Variants in GNPAT observed in about 807,000 individuals in gnomAD.
The protein encoded by GNPAT is glyceronephosphate O-acyltransferase.
A neutral mutation model predicts 78.4 loss-of-function variants in GNPAT; 30 were observed. The observed-to-expected ratio is 0.38, with a 90% confidence interval of 0.29 to 0.52. GNPAT has a LOEUF of 0.52. Ranked by LOEUF, GNPAT falls within the 20% of genes least tolerant of loss-of-function variation. The pLI is 0.84. For synonymous variants in GNPAT, 271 were observed against 281.1 expected, an observed-to-expected ratio of 0.96 and a Z score of 0.36; for missense variants, 714 against 812.2, an observed-to-expected ratio of 0.88 and a Z score of 1.47.
At chr1:231,263,090 C>T (rs1685270360) in intron 4 of GNPAT, among the ~76,000 whole-genome samples, 2 of 152,164 alleles carry the variant, frequency 1.3e-5, no homozygotes, top group East Asian at 3.8e-4. Context: ...AATGAGACTG[C>T]ACTACTTACA....
At chr1:231,246,891 C>T (rs1193884478) in intron 1 of GNPAT, among the ~76,000 whole-genome samples, 4 of 152,140 alleles carry the variant, frequency 2.6e-5, no homozygotes, top group South Asian at 2.1e-4. Flanking sequence ...TGGATTCGGC[C>T]GGGCGCGTTG....
chr1:231,248,149 A>G (rs545816855), intron 1 of GNPAT, among the ~76,000 whole-genome samples: 1 of 152,304 alleles, frequency 6.6e-6, no homozygotes, highest in South Asian at 2.1e-4. Flanking sequence ...ACTCTCCAAA[A>G]GTTTCATTAG....
rs1457853035 is a variant in GNPAT, at chr1:231,277,902, T to A, written c.*360T>A. 1.1e-5 allele frequency: 2 copies of A among 179,786 alleles called. No individual in the cohort carries two copies. Among genetic ancestry groups the A allele is most frequent in the Non-Finnish European group, 1.2e-5 (1 of 85,126 alleles). The allele number at this position is 179,786 out of a possible 1,614,324, so 11.1% of individuals were successfully genotyped here. A position where few individuals can be genotyped will look rare whatever the true frequency, so the allele number is the denominator to read the frequency against. On this transcript the variant is annotated 3_prime_UTR_variant, in exon 16 of 16. Transcript: ENST00000366647. Reference sequence around the variant, plus strand: ...ATGACAACACTGAAAGCTCTGGATATTAAAAGAAAATGAAAAGGGCATATC... The same window carrying A: ...ATGACAACACTGAAAGCTCTGGATAATAAAAGAAAATGAAAAGGGCATATC...
intron 3 of GNPAT, among the ~76,000 whole-genome samples, chr1:231,261,284 T>C (rs915368446): frequency 6.6e-6 from 1 of 152,210 alleles, no homozygotes; most frequent in Non-Finnish European, 1.5e-5. Context: ...TATTAGACTC[T>C]TTTAATCTAA....
At chr1:231,264,642 T>C (rs913367124) in intron 4 of GNPAT, among the ~76,000 whole-genome samples, 2 of 152,250 alleles carry the variant, frequency 1.3e-5, no homozygotes, top group Non-Finnish European at 2.9e-5. Context: ...AGAGAAAGAC[T>C]ATTTTAAAAC....
chr1:231,274,186 G>C, intron 12 of GNPAT, 124 bp downstream of exon 12: 1 of 857,290 alleles, frequency 1.2e-6, no homozygotes, highest in Admixed American at 1.7e-5. Context: ...AAGAAGGAGA[G>C]AGAGTGACTA....
intron 4 of GNPAT, among the ~76,000 whole-genome samples, chr1:231,263,882 T>C (rs1331394825): frequency 6.6e-6 from 1 of 152,224 alleles, no homozygotes; most frequent in Non-Finnish European, 1.5e-5. Context: ...ATTGGCCATT[T>C]GTATATCTTT....
Position 231,267,870 on chromosome 1 carries a change from A to C in GNPAT, c.1246A>C (p.Thr416Pro). The stretch of plus-strand genomic sequence containing the variant: ...AAAGACTTTATGGCTAAAAGGCTTA[A>C]CCCAGGCATTTGGAGGGTTTCTCAT... ...VEKTLWLKGL[T>P]QAFGGFLIWP... The change falls in exon 9 of 16, where the codon ACC becomes CCC. Residue 416 changes from threonine to proline, a missense_variant. Coordinates refer to ENST00000366647, the MANE Select transcript of GNPAT (RefSeq NM_014236.4). 6.2e-7 allele frequency: 1 copy of C among 1,612,986 alleles called. No homozygotes were observed. The highest frequency in any genetic ancestry group is 8.5e-7 in the Non-Finnish European group (1 of 1,178,882).
chr1:231,250,116 T>G (rs1451168281), intron 1 of GNPAT, among the ~76,000 whole-genome samples: 1 of 150,202 alleles, frequency 6.7e-6, no homozygotes, highest in South Asian at 2.1e-4. Flanking sequence ...TATTTTATTT[T>G]GTAGAGATGG....
At position 231,265,569 on chromosome 1, in the gene GNPAT, G is replaced by A; in HGVS notation, c.697-143G>A. 2 of 889,002 alleles carry A rather than the reference G, an allele frequency of 2.2e-6. 1 individual carries two copies. The highest frequency in any genetic ancestry group is 2.7e-5 in the South Asian group (2 of 74,442). 55.1% of individuals were successfully genotyped at this position (889,002 alleles called of 1,614,324 possible). A position where few individuals can be genotyped will look rare whatever the true frequency, so the allele number is the denominator to read the frequency against. ...AACCTCAGCAATTGGTTTAATCTGT[G>A]TGACTCTCTTGTTTAATTTTCACTG... is the stretch of plus-strand genomic sequence containing the variant. On this transcript the variant is annotated intron_variant, in intron 5 of 15. Transcript: ENST00000366647.
At chr1:231,250,423 T>A (rs1293882203) in intron 1 of GNPAT, among the ~76,000 whole-genome samples, 2 of 152,086 alleles carry the variant, frequency 1.3e-5, no homozygotes, top group Non-Finnish European at 1.5e-5. Context: ...GAGAATAAGC[T>A]CTTGTCTCGA....
chr1:231,268,740 T>C lies in GNPAT; in HGVS notation c.1279+837T>C, dbSNP rs572398822. 2.0e-5 allele frequency among the ~76,000 whole-genome samples: 3 copies of C among 150,530 alleles called. No homozygotes were observed. In the East Asian group the frequency reaches 5.9e-4, roughly 30 times the overall value. ...GACCAACATGGTGAAACTCCGTCTC[T>C]ACTAAAAACACAAAAATTAGCCGGG... On this transcript the variant is annotated intron_variant, in intron 9 of 15. Transcript: ENST00000366647.
intron 2 of GNPAT, among the ~76,000 whole-genome samples, chr1:231,255,870 T>G (rs1471048058): frequency 2.0e-5 from 3 of 152,216 alleles, no homozygotes; most frequent in African/African-American, 7.2e-5. Flanking sequence ...TATGGGTAAA[T>G]TCTACCTGTT....
chr1:231,246,673 GTA>G (rs1304384463), intron 1 of GNPAT, among the ~76,000 whole-genome samples: 2 of 152,192 alleles, frequency 1.3e-5, no homozygotes, highest in Admixed American at 1.3e-4. Flanking sequence ...CTCAAGCATG[GTA>G]TAGGGAAGGC....
intron 2 of GNPAT, among the ~76,000 whole-genome samples, chr1:231,254,092 A>C (rs1252478107): frequency 6.6e-6 from 1 of 152,176 alleles, no homozygotes; most frequent in South Asian, 2.1e-4. Flanking sequence ...GATTACTGGC[A>C]TGAGCCACCA....
Position 231,254,965 on chromosome 1 carries a change from C to G in GNPAT, c.261+3822C>G, listed in dbSNP as rs960182382. On this transcript the variant is annotated intron_variant, in intron 2 of 15. Transcript: ENST00000366647. ...ATGGGGTCTCACCATGGTGACCAGG[C>G]TGGTCTTGAACTCCTGACCTCAGGT... Among the ~76,000 whole-genome samples the G allele has an allele frequency of 5.3e-5, 8 of 152,046 alleles. No individual in the cohort carries two copies. In the East Asian group the frequency reaches 9.7e-4, roughly 18 times the overall value.
chr1:231,276,035 A>G (rs750177035), intron 14 of GNPAT, 100 bp from the exon 15 acceptor site: 19 of 686,918 alleles, frequency 2.8e-5, no homozygotes, highest in Non-Finnish European at 3.8e-5. Flanking sequence ...GAGGAAGGCA[A>G]TTGAAAAGTA....
chr1:231,271,053 T>C (rs1004936114), intron 10 of GNPAT, 53 bp downstream of exon 10: 1 of 1,592,808 alleles, frequency 6.3e-7, no homozygotes, highest in Non-Finnish European at 8.6e-7. Flanking sequence ...GCCATTCCAT[T>C]CCATTTAGGG....
chr1:231,260,415 C>T (rs1357725576), intron 2 of GNPAT, 92 bp from the exon 3 acceptor site: 15 of 838,022 alleles, frequency 1.8e-5, no homozygotes, highest in Non-Finnish European at 2.9e-5. Flanking sequence ...AAGATTAATC[C>T]ATTTGGAACT....
Sources: allele counts gnomAD v4.1 joint callset (sites outside exome capture counted in the v4.1 genomes callset), GRCh38; gene constraint gnomAD v4.1.1; transcripts MANE v1.5; gene names NCBI Gene and HGNC (gene_info 2026-07-23, HGNC 2026-07-21).